The following PLCB1 variants were observed in gnomAD, a reference collection of about 807,000 sequenced individuals.
PLCB1 encodes phospholipase C beta 1.
In PLCB1, 46 loss-of-function variants were observed where a neutral mutation model predicts 161.8. That is an observed-to-expected ratio of 0.28 (90% confidence interval 0.22 to 0.36). The LOEUF (loss-of-function observed/expected upper bound fraction) is 0.36, where lower values mean the gene tolerates loss of function less well. PLCB1 is among the 10% of genes least tolerant of loss of function. The pLI is 1.00. For synonymous variants in PLCB1, 517 were observed against 503.7 expected (o/e 1.03, Z -0.35); for missense variants, 1,016 against 1,472.5 (o/e 0.69, Z 5.07).
At chr20:8,377,480 G>A (rs2122371162) in intron 3 of PLCB1, among the ~76,000 whole-genome samples, 1 of 152,294 alleles carries the variant, frequency 6.6e-6, no homozygotes, top group Non-Finnish European at 1.5e-5. Context: ...AGTTCCACTG[G>A]TGGCTGTTGG....
chr20:8,424,742 G>A (rs891646322), intron 3 of PLCB1, among the ~76,000 whole-genome samples: 1 of 152,128 alleles, frequency 6.6e-6, no homozygotes, highest in African/African-American at 2.4e-5. Context: ...AGTAGAGGGT[G>A]GTGACTGCAA....
intron 31 of PLCB1, among the ~76,000 whole-genome samples, chr20:8,842,528 A>G (rs989507949): frequency 6.6e-6 from 1 of 152,214 alleles, no homozygotes; most frequent in Non-Finnish European, 1.5e-5. Flanking sequence ...GTGTAGCAGG[A>G]CGAGCCGCAG....
At chr20:8,356,827 G>A (rs1471871591) in intron 2 of PLCB1, among the ~76,000 whole-genome samples, 1 of 152,158 alleles carries the variant, frequency 6.6e-6, no homozygotes. Flanking sequence ...CAGTGGTTAG[G>A]CTAAAGGTAT....
At chr20:8,683,054 T>A (rs932311528) in intron 9 of PLCB1, among the ~76,000 whole-genome samples, 1 of 152,088 alleles carries the variant, frequency 6.6e-6, no homozygotes, top group African/African-American at 2.4e-5. Context: ...AAAATATAGA[T>A]AGTTGCATAT....
intron 26 of PLCB1, among the ~76,000 whole-genome samples, chr20:8,770,362 T>C (rs1600312516): frequency 6.6e-6 from 1 of 152,382 alleles, no homozygotes; most frequent in South Asian, 2.1e-4. Flanking sequence ...TACCTGTAGT[T>C]ACACAGCCAG....
intron 3 of PLCB1, among the ~76,000 whole-genome samples, chr20:8,584,698 C>CT (rs11308484): frequency 3.8e-4 from 57 of 149,564 alleles, no homozygotes; most frequent in African/African-American, 1.1e-3. Flanking sequence ...TCAAGATTCT[C>CT]TTTTTTTTTT....
intron 26 of PLCB1, among the ~76,000 whole-genome samples, chr20:8,766,249 A>G (rs1189820720): frequency 4.6e-5 from 7 of 152,184 alleles, no homozygotes; most frequent in Non-Finnish European, 1.0e-4. Flanking sequence ...ATAAACAACA[A>G]ACACACAGCA....
intron 2 of PLCB1, among the ~76,000 whole-genome samples, chr20:8,230,231 G>A (rs1315664172): frequency 6.6e-6 from 1 of 152,014 alleles, no homozygotes; most frequent in Non-Finnish European, 1.5e-5. Flanking sequence ...GTCCAAATCT[G>A]ATCAGACTAT....
chr20:8,452,655 G>T lies in PLCB1; in HGVS notation c.246+81205G>T, dbSNP rs576500719. On this transcript the variant is annotated intron_variant, in intron 3 of 31. Transcript: ENST00000338037. ...TGTACAGAAAGGTTCTATTAATAGC[G>T]CTCAGTGATCCCTGCAAAAGAAGCA... 3.3e-5 allele frequency among the ~76,000 whole-genome samples: 5 copies of T among 152,278 alleles called. No homozygotes were observed. The East Asian group carries it at 7.7e-4, about 23-fold the overall frequency.
rs368082373 is a variant in PLCB1, at chr20:8,839,752, A to AAT, written c.3424-41870_3424-41869insAT. On this transcript the variant is annotated intron_variant, in intron 31 of 31. Transcript: ENST00000338037. ...GTAATTCTTAAAAAAAAAAAAAAAA[A>AAT]GCCTTGGCCAGGTGCGGTGGCTCAC... 7.4e-5 allele frequency among the ~76,000 whole-genome samples: 11 copies of AAT among 148,466 alleles called. No individual in the cohort carries two copies. In the East Asian group the frequency reaches 1.8e-3, roughly 25 times the overall value.
At chr20:8,749,756 A>G (rs1981355760) in intron 23 of PLCB1, among the ~76,000 whole-genome samples, 1 of 152,234 alleles carries the variant, frequency 6.6e-6, no homozygotes, top group Admixed American at 6.5e-5. Context: ...GTTATTATGC[A>G]TTAAATACAA....
chr20:8,708,038 G>A (rs944345467), intron 11 of PLCB1, among the ~76,000 whole-genome samples: 7 of 152,106 alleles, frequency 4.6e-5, no homozygotes, highest in South Asian at 4.1e-4. Flanking sequence ...GTGCAGGAAT[G>A]AGGAGTGACT....
At chr20:8,502,517 A>G (rs955893461) in intron 3 of PLCB1, among the ~76,000 whole-genome samples, 2 of 152,180 alleles carry the variant, frequency 1.3e-5, no homozygotes, top group Non-Finnish European at 2.9e-5. Flanking sequence ...CTTGCATTTA[A>G]TTAAATAGTT....
chr20:8,165,747 T>G (rs1006838622), intron 2 of PLCB1, among the ~76,000 whole-genome samples: 1 of 152,164 alleles, frequency 6.6e-6, no homozygotes, highest in Admixed American at 6.5e-5. Flanking sequence ...ATCTGTCAGG[T>G]CCAAAGCCAA....
intron 3 of PLCB1, among the ~76,000 whole-genome samples, chr20:8,430,932 C>T (rs1457611514): frequency 6.6e-6 from 1 of 151,850 alleles, no homozygotes; most frequent in Non-Finnish European, 1.5e-5. Flanking sequence ...GCGCTCTAGC[C>T]TGGGTGACAG....
chr20:8,429,261 A>G lies in PLCB1; in HGVS notation c.246+57811A>G, dbSNP rs140623918. Among the ~76,000 whole-genome samples the G allele has an allele frequency of 1.5e-3, 233 of 152,346 alleles. 2 individuals are homozygous for G. Among genetic ancestry groups the G allele is most frequent in the Middle Eastern group, 0.014 (4 of 294 alleles). On this transcript the variant is annotated intron_variant, in intron 3 of 31. Coordinates refer to ENST00000338037, the MANE Select transcript of PLCB1 (RefSeq NM_015192.4). Reference sequence around the variant, plus strand: ...TTTGCAGAGTAGGAACAATGGACTTAGATTTTTTTAAACTTCTCTAACTCT... The same window carrying G: ...TTTGCAGAGTAGGAACAATGGACTTGGATTTTTTTAAACTTCTCTAACTCT...
intron 2 of PLCB1, among the ~76,000 whole-genome samples, chr20:8,307,332 T>C (rs1984176735): frequency 6.6e-6 from 1 of 152,228 alleles, no homozygotes; most frequent in South Asian, 2.1e-4. Flanking sequence ...CTTCTCTCTC[T>C]GGTGTCAGCT....
chr20:8,590,861 C>A (rs932152136), intron 3 of PLCB1, among the ~76,000 whole-genome samples: 11 of 152,082 alleles, frequency 7.2e-5, no homozygotes, highest in South Asian at 2.1e-4. Flanking sequence ...GCAGGACGTG[C>A]AGGTTTGTTA....
chr20:8,578,160 T>C (rs887067455), intron 3 of PLCB1, among the ~76,000 whole-genome samples: 5 of 152,236 alleles, frequency 3.3e-5, no homozygotes, highest in African/African-American at 1.2e-4. Flanking sequence ...ATGCAAACTT[T>C]TGTGTGTGTC....
Sources: gnomAD v4.1 joint callset for allele counts (sites outside exome capture counted in the v4.1 genomes callset) on GRCh38, gnomAD v4.1.1 for gene constraint, MANE v1.5 for transcripts, NCBI Gene and HGNC (gene_info 2026-07-23, HGNC 2026-07-21) for gene names.